HS6ST3: variants seen among roughly 807,000 people sequenced by gnomAD.
HS6ST3 encodes heparan sulfate 6-O-sulfotransferase 3.
A neutral mutation model predicts 36.7 loss-of-function variants in HS6ST3; 12 were observed. That is an observed-to-expected ratio of 0.33 (90% CI 0.21 to 0.53). The LOEUF (loss-of-function observed/expected upper bound fraction) is 0.53, where lower values mean the gene tolerates loss of function less well. Among genes scored for constraint, HS6ST3 ranks in the 20% least tolerant of loss-of-function variants. The pLI, the probability that HS6ST3 is intolerant of heterozygous loss-of-function variation, is 0.95. For missense variants in HS6ST3, 584 were observed against 640.9 expected (o/e 0.91, Z 0.96); for synonymous variants, 240 against 257.5 (o/e 0.93, Z 0.65).
At chr13:96,389,481 C>T (rs140793722) in intron 1 of HS6ST3, among the ~76,000 whole-genome samples, 1 of 151,900 alleles carries the variant, frequency 6.6e-6, no homozygotes, top group Non-Finnish European at 1.5e-5. Flanking sequence ...TCATTTATAC[C>T]CCTTGCTCCA....
chr13:96,141,491 C>T (rs1055720990), intron 1 of HS6ST3, among the ~76,000 whole-genome samples: 1 of 152,024 alleles, frequency 6.6e-6, no homozygotes, highest in Non-Finnish European at 1.5e-5. Context: ...GTAGCTGAGA[C>T]AGGTGTGCGC....
At chr13:96,362,298 CTG>C (rs1354965433) in intron 1 of HS6ST3, among the ~76,000 whole-genome samples, 2 of 148,842 alleles carry the variant, frequency 1.3e-5, no homozygotes, top group East Asian at 4.0e-4. Flanking sequence ...ATTAAAAAAA[CTG>C]TTCTTATTGA....
intron 1 of HS6ST3, among the ~76,000 whole-genome samples, chr13:96,689,696 T>C (rs1874896454): frequency 6.9e-6 from 1 of 145,978 alleles, no homozygotes; most frequent in Non-Finnish European, 1.5e-5. Context: ...GCAGCACAAG[T>C]TGTGGTCCAT....
chr13:96,811,224 A>G (rs1029712076), intron 1 of HS6ST3, among the ~76,000 whole-genome samples: 4 of 152,218 alleles, frequency 2.6e-5, no homozygotes, highest in African/African-American at 9.6e-5. Flanking sequence ...CATGTTAGCT[A>G]AGAAGTGATA....
At chr13:96,476,502 A>G (rs1393395421) in intron 1 of HS6ST3, among the ~76,000 whole-genome samples, 1 of 152,116 alleles carries the variant, frequency 6.6e-6, no homozygotes, top group African/African-American at 2.4e-5. Flanking sequence ...AGCTGGGACT[A>G]TAGGCGCCCA....
chr13:96,694,318 T>A (rs1875060011), intron 1 of HS6ST3, among the ~76,000 whole-genome samples: 1 of 152,174 alleles, frequency 6.6e-6, no homozygotes, highest in Non-Finnish European at 1.5e-5. Context: ...TCCAGCTGTA[T>A]CCATGTTCCT....
intron 1 of HS6ST3, among the ~76,000 whole-genome samples, chr13:96,638,035 G>C (rs1340979773): frequency 1.3e-5 from 2 of 152,070 alleles, no homozygotes; most frequent in African/African-American, 2.4e-5. Context: ...AACACTTGTA[G>C]CTTGTTCATT....
In HS6ST3 at chr13:96,187,154, A is replaced by G. The variant is rs571591553; in HGVS notation, c.707+95585A>G. ...TCAGCATTTTGCAGGTAAAAAGAAC[A>G]CTCTTTGAGTCTGGGCTTTAGTGTG... On this transcript the variant is annotated intron_variant, in intron 1 of 1. Coordinates refer to ENST00000376705, the MANE Select transcript of HS6ST3 (RefSeq NM_153456.4). Among the ~76,000 whole-genome samples the G allele has an allele frequency of 8.0e-4, 121 of 152,086 alleles. 2 individuals are homozygous for G. In the South Asian group the frequency reaches 0.024, roughly 31 times the overall value.
chr13:96,663,768 A>G (rs893449605), intron 1 of HS6ST3, among the ~76,000 whole-genome samples: 3 of 152,210 alleles, frequency 2.0e-5, no homozygotes, highest in African/African-American at 4.8e-5. Flanking sequence ...AATGTGATAT[A>G]TCCATTTAAT....
intron 1 of HS6ST3, among the ~76,000 whole-genome samples, chr13:96,338,362 G>A (rs1212514568): frequency 6.6e-6 from 1 of 152,158 alleles, no homozygotes; most frequent in Non-Finnish European, 1.5e-5. Flanking sequence ...ACTAAGGGAA[G>A]GGGACCCTGG....
intron 1 of HS6ST3, among the ~76,000 whole-genome samples, chr13:96,276,876 T>G (rs2054751118): frequency 6.6e-6 from 1 of 152,182 alleles, no homozygotes; most frequent in African/African-American, 2.4e-5. Flanking sequence ...TGTATTAGTT[T>G]GCTTTGGCCA....
intron 1 of HS6ST3, among the ~76,000 whole-genome samples, chr13:96,435,270 G>GT: frequency 6.6e-6 from 1 of 152,064 alleles, no homozygotes; most frequent in Non-Finnish European, 1.5e-5. Context: ...TTTTTTCCAT[G>GT]TTTTCTTTTT....
At chr13:96,815,187 G>T (rs774215730) in intron 1 of HS6ST3, among the ~76,000 whole-genome samples, 1 of 152,166 alleles carries the variant, frequency 6.6e-6, no homozygotes, top group African/African-American at 2.4e-5. Flanking sequence ...GGGAGACACC[G>T]TGCCAGGCCT....
intron 1 of HS6ST3, among the ~76,000 whole-genome samples, chr13:96,112,582 T>A (rs907367192): frequency 2.2e-3 from 93 of 41,706 alleles, no homozygotes; most frequent in African/African-American, 5.1e-3. Flanking sequence ...TAAATAAATA[T>A]ATATATATAT....
chr13:96,466,482 C>G (rs145278448), intron 1 of HS6ST3, among the ~76,000 whole-genome samples: 20 of 152,124 alleles, frequency 1.3e-4, no homozygotes, highest in African/African-American at 3.1e-4. Flanking sequence ...TCTGCTTCTA[C>G]GAGTTTGACT....
At chr13:96,822,846 G>T (rs1878566362) in intron 1 of HS6ST3, among the ~76,000 whole-genome samples, 1 of 152,196 alleles carries the variant, frequency 6.6e-6, no homozygotes, top group Non-Finnish European at 1.5e-5. Context: ...TTCTGATCCA[G>T]ATGTTGGCTT....
chr13:96,439,921 T>C (rs1042690496), intron 1 of HS6ST3, among the ~76,000 whole-genome samples: 1 of 152,202 alleles, frequency 6.6e-6, no homozygotes, highest in East Asian at 1.9e-4. Flanking sequence ...TCTTTTGCTT[T>C]AGATGGGTAG....
At chr13:96,300,536 T>C (rs1446876708) in intron 1 of HS6ST3, among the ~76,000 whole-genome samples, 1 of 152,050 alleles carries the variant, frequency 6.6e-6, no homozygotes, top group Non-Finnish European at 1.5e-5. Context: ...TCAGAAGTCT[T>C]ACTACAGAGG....
rs1307850616 is a variant in HS6ST3, at chr13:96,090,321, C to A, written c.-542C>A. ...GCGGCTCCACAGCCCCGCGACCTGC[C>A]GGCAAAGGCGCCGGGCGCGCGTGCC... On this transcript the variant is annotated 5_prime_UTR_variant, in exon 1 of 2. Coordinates refer to ENST00000376705, the MANE Select transcript of HS6ST3 (RefSeq NM_153456.4). 6.8e-6 allele frequency among the ~76,000 whole-genome samples: 1 copy of A among 148,116 alleles called. No individual in the cohort carries two copies. The highest frequency in any genetic ancestry group is 2.4e-5 in the African/African-American group (1 of 40,974).
Sources: gnomAD v4.1 joint callset for allele counts (sites outside exome capture counted in the v4.1 genomes callset) on GRCh38, gnomAD v4.1.1 for gene constraint, MANE v1.5 for transcripts, NCBI Gene and HGNC (gene_info 2026-07-23, HGNC 2026-07-21) for gene names.